MYO10: variants seen among roughly 807,000 people sequenced by gnomAD.
MYO10 encodes the protein myosin X, also known as unconventional myosin-X.
Under a neutral mutation model 257.3 loss-of-function variants are expected in MYO10, and 133 were observed. The observed-to-expected ratio is 0.52, with a 90% CI of 0.45 to 0.60. The LOEUF (loss-of-function observed/expected upper bound fraction) is 0.60. MYO10 is among the 20% of genes least tolerant of loss of function. The pLI is 0.00. For synonymous variants in MYO10, 1,104 were observed against 1,028.6 expected (o/e 1.07, Z -1.40); for missense variants, 2,399 against 2,635.7 (o/e 0.91, Z 1.97).
At chr5:16,814,914 T>A (rs1742557639) in intron 3 of MYO10, 1 of 152,280 alleles carries the variant, frequency 6.6e-6, no homozygotes, top group South Asian at 2.1e-4. Context: ...AACATTATTA[T>A]CATGAAAAGA....
In MYO10 at chr5:16,847,099, T is replaced by C. The variant is rs558261329; in HGVS notation, c.121-28932A>G. On this transcript the variant is annotated intron_variant, in intron 2 of 40. Transcript: ENST00000513610. ...CACCACTGCACTCCAGCCTGGGCAA[T>C]AGAGTGAGACTCTGTCTCCAAAGGA... Among the ~76,000 whole-genome samples the C allele has an allele frequency of 1.5e-3, 224 of 145,294 alleles. 1 individual carries two copies. The highest frequency in any genetic ancestry group is 5.4e-3 in the African/African-American group (210 of 39,038).
rs73047152 is a variant in MYO10, at chr5:16,664,269, G to C, written c.*2423C>G. On this transcript the variant is annotated 3_prime_UTR_variant, in exon 41 of 41. Transcript: ENST00000513610. ...GGTGCTGCTCTAACCCCCCCAATCT[G>C]AGTCATGCCTTTCCTTGCCTATTTC... 102 of 152,304 alleles carry C rather than the reference G, an allele frequency of 6.7e-4. No homozygotes were observed. The highest frequency in any genetic ancestry group is 2.4e-3 in the African/African-American group (98 of 41,552). 9.4% of individuals were successfully genotyped at this position (152,304 alleles called of 1,614,324 possible). A position where few individuals can be genotyped will look rare whatever the true frequency, so the allele number is the denominator to read the frequency against.
intron 1 of MYO10, chr5:16,902,387 C>T: frequency 7.9e-7 from 1 of 1,269,662 alleles, no homozygotes; most frequent in Non-Finnish European, 1.1e-6. Flanking sequence ...GAGATCGATT[C>T]CTGACTACTT....
chr5:16,780,681 A>G, intron 7 of MYO10, 47 bp downstream of exon 7: 1 of 1,550,256 alleles, frequency 6.5e-7, no homozygotes, highest in Non-Finnish European at 8.8e-7. Context: ...TAATTTCTGA[A>G]AATTGTTATT....
chr5:16,835,174 C>A (rs575889558), intron 2 of MYO10, among the ~76,000 whole-genome samples: 1 of 150,844 alleles, frequency 6.6e-6, no homozygotes, highest in Non-Finnish European at 1.5e-5. Context: ...GAGACTGTCT[C>A]GGGTGGGTAG....
chr5:16,756,349 T>C (rs917673946), intron 18 of MYO10, among the ~76,000 whole-genome samples: 4 of 152,290 alleles, frequency 2.6e-5, no homozygotes, highest in Non-Finnish European at 5.9e-5. Flanking sequence ...TACAGGCATG[T>C]GTCACCATGC....
At chr5:16,819,357 T>A (rs2126706121) in intron 2 of MYO10, among the ~76,000 whole-genome samples, 1 of 152,336 alleles carries the variant, frequency 6.6e-6, no homozygotes, top group East Asian at 1.9e-4. Context: ...CTCTTCGTCC[T>A]AAGTGATTTG....
intron 2 of MYO10, among the ~76,000 whole-genome samples, chr5:16,830,088 T>C (rs1332024553): frequency 6.6e-6 from 1 of 151,916 alleles, no homozygotes; most frequent in Non-Finnish European, 1.5e-5. Context: ...TCACAAAAAT[T>C]AGCCGGGCGT....
intron 1 of MYO10, among the ~76,000 whole-genome samples, chr5:16,880,161 CAG>C (rs1744716584): frequency 6.7e-6 from 1 of 149,520 alleles, no homozygotes; most frequent in Admixed American, 6.9e-5. Flanking sequence ...GCCTGGGTGA[CAG>C]AGTAAACTCT....
At chr5:16,847,503 C>A (rs920063669) in intron 2 of MYO10, among the ~76,000 whole-genome samples, 1 of 151,712 alleles carries the variant, frequency 6.6e-6, no homozygotes, top group Non-Finnish European at 1.5e-5. Context: ...GAGGCTGAGG[C>A]GAGAGGATCG....
chr5:16,835,168 C>A (rs1743274010), intron 2 of MYO10, among the ~76,000 whole-genome samples: 1 of 152,026 alleles, frequency 6.6e-6, no homozygotes, highest in African/African-American at 2.4e-5. Context: ...CAGAGTGAGA[C>A]TGTCTCGGGT....
Position 16,764,428 on chromosome 5 carries a change from GA to G in MYO10, c.1180-33del, listed in dbSNP as rs1740806674. 6 of 1,610,758 alleles carry G rather than the reference GA, an allele frequency of 3.7e-6. No individual in the cohort carries two copies. In the African/African-American group the frequency reaches 5.3e-5, roughly 14 times the overall value. On this transcript the variant is annotated intron_variant, in intron 11 of 40. Coordinates refer to ENST00000513610, the MANE Select transcript of MYO10 (RefSeq NM_012334.3). ...GAGAGAAACCAGCACAGACTCAGCTGACCCCGGGCACCCCAGACAGGCAAGG... is the reference window on the plus strand; with the variant it reads ...GAGAGAAACCAGCACAGACTCAGCTGCCCCGGGCACCCCAGACAGGCAAGG...
At chr5:16,817,391 A>G (rs1439579746) in intron 3 of MYO10, among the ~76,000 whole-genome samples, 1 of 152,220 alleles carries the variant, frequency 6.6e-6, no homozygotes, top group Non-Finnish European at 1.5e-5. Context: ...CTTTCACGTC[A>G]AAAATTTATA....
intron 2 of MYO10, among the ~76,000 whole-genome samples, chr5:16,830,821 T>C (rs958441045): frequency 6.6e-6 from 1 of 152,160 alleles, no homozygotes; most frequent in Non-Finnish European, 1.5e-5. Flanking sequence ...CCTGGTTACA[T>C]GCTATGTGAT....
At chr5:16,751,913 T>C in intron 19 of MYO10, among the ~76,000 whole-genome samples, 1 of 152,304 alleles carries the variant, frequency 6.6e-6, no homozygotes, top group East Asian at 1.9e-4. Context: ...AAACGTGAGG[T>C]TGAGTTAGTT....
At chr5:16,868,530 G>A (rs563388735) in intron 2 of MYO10, among the ~76,000 whole-genome samples, 1 of 152,218 alleles carries the variant, frequency 6.6e-6, no homozygotes, top group East Asian at 1.9e-4. Flanking sequence ...CTTGAACCCG[G>A]GAGGCGGAGG....
intron 3 of MYO10, among the ~76,000 whole-genome samples, chr5:16,804,305 C>T (rs997332429): frequency 3.9e-5 from 6 of 152,218 alleles, no homozygotes; most frequent in Admixed American, 3.9e-4. Context: ...TCCACAAAGG[C>T]TCCTTCCTCT....
intron 19 of MYO10, among the ~76,000 whole-genome samples, chr5:16,748,509 G>A (rs1382108638): frequency 4.3e-5 from 4 of 92,890 alleles, no homozygotes; most frequent in Admixed American, 1.2e-4. Flanking sequence ...CCCCCCATCA[G>A]CCTCCCAAAG....
At chr5:16,716,055 C>CG (rs1301151012) in intron 19 of MYO10, among the ~76,000 whole-genome samples, 74 of 47,784 alleles carry the variant, frequency 1.5e-3, no homozygotes, top group Middle Eastern at 0.021. Flanking sequence ...CACTCCGTCT[C>CG]GAAAAAAAAA....
Sources: gnomAD v4.1 joint callset for allele counts (sites outside exome capture counted in the v4.1 genomes callset) on GRCh38, gnomAD v4.1.1 for gene constraint, MANE v1.5 for transcripts, NCBI Gene and HGNC (gene_info 2026-07-23, HGNC 2026-07-21) for gene names.